The following PRKACB variants were observed in gnomAD, a reference collection of about 807,000 sequenced individuals.
PRKACB encodes the protein cAMP-dependent protein kinase catalytic subunit beta.
A neutral mutation model predicts 51.4 loss-of-function variants in PRKACB; 16 were observed. The ratio of observed to expected loss-of-function variants is 0.31; its 90% CI spans 0.21 to 0.47. The LOEUF (loss-of-function observed/expected upper bound fraction) is 0.47, where lower values mean the gene tolerates loss of function less well. Ranked by LOEUF, PRKACB falls within the 20% of genes least tolerant of loss-of-function variation. PRKACB has a pLI of 1.00. For synonymous variants in PRKACB, 147 were observed against 154.4 expected, an observed-to-expected ratio of 0.95 and a Z score of 0.35; for missense variants, 309 against 464.5, an observed-to-expected ratio of 0.67 and a Z score of 3.08.
At chr1:84,204,904 T>C (rs1325935091) in intron 8 of PRKACB, 1 of 977,864 alleles carries the variant, frequency 1.0e-6, no homozygotes, top group Non-Finnish European at 1.2e-6. Flanking sequence ...GGTTAAATTT[T>C]ATATTCAGCT....
At chr1:84,134,612 A>T (rs1057028461) in intron 1 of PRKACB, among the ~76,000 whole-genome samples, 2 of 132,162 alleles carry the variant, frequency 1.5e-5, no homozygotes, top group Admixed American at 1.5e-4. Context: ...ATGTTAAGAG[A>T]TAAGATTAAA....
chr1:84,092,563 T>G (rs557125976), intron 1 of PRKACB, among the ~76,000 whole-genome samples: 1 of 152,286 alleles, frequency 6.6e-6, no homozygotes, highest in East Asian at 1.9e-4. Flanking sequence ...CATACATGCA[T>G]ATATACATGC....
intron 1 of PRKACB, among the ~76,000 whole-genome samples, chr1:84,079,979 T>C (rs1329380371): frequency 3.9e-5 from 6 of 152,164 alleles, no homozygotes; most frequent in Non-Finnish European, 5.9e-5. Flanking sequence ...GTTGTCTTTT[T>C]AAAATTGCAC....
At chr1:84,160,364 C>T (rs1010861525) in intron 1 of PRKACB, among the ~76,000 whole-genome samples, 1 of 151,230 alleles carries the variant, frequency 6.6e-6, no homozygotes, top group African/African-American at 2.4e-5. Context: ...CCTTTATAAT[C>T]CTTTTAATTT....
intron 1 of PRKACB, among the ~76,000 whole-genome samples, chr1:84,165,426 A>AT (rs1368690920): frequency 6.6e-6 from 1 of 151,774 alleles, no homozygotes; most frequent in African/African-American, 2.4e-5. Flanking sequence ...TTTTTATTAG[A>AT]TTTTTTAAAT....
At chr1:84,110,259 T>C (rs192333849) in intron 1 of PRKACB, among the ~76,000 whole-genome samples, 58 of 152,008 alleles carry the variant, frequency 3.8e-4, no homozygotes, top group African/African-American at 1.3e-3. Flanking sequence ...GTATAACAAC[T>C]ATTTACATAG....
rs532126302 is a variant in PRKACB at position 84,150,556 on chromosome 1, G to A, written c.187+6008G>A. Among the ~76,000 whole-genome samples, 179 of 152,198 alleles carry A rather than the reference G, an allele frequency of 1.2e-3. 1 individual carries two copies. The highest frequency in any genetic ancestry group is 2.0e-3 in the Non-Finnish European group (133 of 68,004). On this transcript the variant is annotated intron_variant, in intron 1 of 9. Transcript: ENST00000370685. ...GAATGGCTTGGTGTCCTCCCAATGG[G>A]TAATGAGCTGGTTCTTGCTTTATTA...
At chr1:84,184,617 T>C (rs1250080325) in intron 4 of PRKACB, among the ~76,000 whole-genome samples, 1 of 151,922 alleles carries the variant, frequency 6.6e-6, no homozygotes, top group Non-Finnish European at 1.5e-5. Flanking sequence ...TTGAGCTCTT[T>C]GGAATGATAC....
intron 2 of PRKACB, among the ~76,000 whole-genome samples, chr1:84,181,974 T>C (rs374245973): frequency 6.6e-6 from 1 of 152,024 alleles, no homozygotes; most frequent in African/African-American, 2.4e-5. Context: ...CCTATTACTA[T>C]TATGCTCTGT....
intron 1 of PRKACB, chr1:84,178,738 A>G (rs1430119655): frequency 6.5e-6 from 1 of 153,156 alleles, no homozygotes; most frequent in Non-Finnish European, 1.5e-5. Flanking sequence ...ACCTGAAAAC[A>G]GCTCTTTATC....
At chr1:84,198,455 G>T (rs1001575485) in intron 7 of PRKACB, among the ~76,000 whole-genome samples, 2 of 152,058 alleles carry the variant, frequency 1.3e-5, no homozygotes, top group Non-Finnish European at 2.9e-5. Flanking sequence ...GGAAAAGGAA[G>T]GGGATAAGAC....
chr1:84,139,788 G>A (rs1025320798), upstream of PRKACB, among the ~76,000 whole-genome samples: 7 of 152,254 alleles, frequency 4.6e-5, no homozygotes, highest in African/African-American at 1.2e-4. Context: ...GCCGGGCACT[G>A]TGGCTTACGC....
intron 1 of PRKACB, among the ~76,000 whole-genome samples, chr1:84,125,056 G>A (rs1190953753): frequency 6.8e-6 from 1 of 146,582 alleles, no homozygotes; most frequent in African/African-American, 2.5e-5. Context: ...TTAAATAGTG[G>A]CTTAAAATAA....
At chr1:84,195,269 C>T (rs1309038431) in intron 5 of PRKACB, among the ~76,000 whole-genome samples, 1 of 152,082 alleles carries the variant, frequency 6.6e-6, no homozygotes, top group East Asian at 1.9e-4. Flanking sequence ...AATTTTGCTC[C>T]CCAAAAGCAT....
At chr1:84,148,659 A>G (rs1022758854) in intron 1 of PRKACB, among the ~76,000 whole-genome samples, 2 of 152,196 alleles carry the variant, frequency 1.3e-5, no homozygotes, top group African/African-American at 4.8e-5. Flanking sequence ...AAAGCAGTCA[A>G]ATGCTGACCT....
intron 1 of PRKACB, among the ~76,000 whole-genome samples, chr1:84,137,297 GAA>G (rs1652925953): frequency 6.6e-6 from 1 of 152,168 alleles, no homozygotes; most frequent in South Asian, 2.1e-4. Context: ...TAAAAACACT[GAA>G]AAGTCTGTAT....
intron 1 of PRKACB, among the ~76,000 whole-genome samples, chr1:84,092,912 A>G (rs1234897631): frequency 2.7e-5 from 4 of 146,726 alleles, no homozygotes; most frequent in Admixed American, 6.8e-5. Context: ...GTATTTCCCC[A>G]TCCCTTTTTT....
intron 9 of PRKACB, among the ~76,000 whole-genome samples, chr1:84,225,520 G>A (rs2101652325): frequency 6.6e-6 from 1 of 152,262 alleles, no homozygotes; most frequent in Admixed American, 6.5e-5. Flanking sequence ...TGATAGACAT[G>A]GGGCACTGTC....
chr1:84,089,288 T>C lies in PRKACB; in HGVS notation c.46+10917T>C, dbSNP rs111998656. On this transcript the variant is annotated intron_variant, in intron 1 of 8. Coordinates refer to the PRKACB transcript ENST00000370688. Reference sequence around the variant, plus strand: ...TAATGTATTGACTATTTGGGGATAATAGTTGATTAATGTGATAAGAGGGTA... The same window carrying C: ...TAATGTATTGACTATTTGGGGATAACAGTTGATTAATGTGATAAGAGGGTA... Among the ~76,000 whole-genome samples, 576 of 152,246 alleles carry C rather than the reference T, an allele frequency of 3.8e-3. 3 individuals carry two copies. The highest frequency in any genetic ancestry group is 0.013 in the African/African-American group (542 of 41,546).
Sources: allele counts gnomAD v4.1 joint callset (sites outside exome capture counted in the v4.1 genomes callset), GRCh38; gene constraint gnomAD v4.1.1; transcripts MANE v1.5; gene names NCBI Gene and HGNC (gene_info 2026-07-23, HGNC 2026-07-21).